The following RORA variants were observed in gnomAD, a reference collection of about 807,000 sequenced individuals.
RORA encodes the protein RAR related orphan receptor A, also known as nuclear receptor ROR-alpha.
Under a neutral mutation model 69.5 loss-of-function variants are expected in RORA, and 7 were observed. That is an observed-to-expected ratio of 0.10 (90% CI 0.06 to 0.19). The LOEUF (loss-of-function observed/expected upper bound fraction) is 0.19, where lower values mean the gene tolerates loss of function less well. RORA is among the 10% of genes least tolerant of loss of function. RORA has a pLI of 1.00. For synonymous variants in RORA, 261 were observed against 240.8 expected, an observed-to-expected ratio of 1.08 and a Z score of -0.78; for missense variants, 457 against 663.0, an observed-to-expected ratio of 0.69 and a Z score of 3.41.
At chr15:60,664,943 T>G (rs1352725552) in intron 2 of RORA, among the ~76,000 whole-genome samples, 3 of 152,158 alleles carry the variant, frequency 2.0e-5, no homozygotes, top group Non-Finnish European at 4.4e-5. Flanking sequence ...AAGGACATTT[T>G]TAAAAGAATT....
chr15:60,655,595 G>C (rs1039566358), intron 2 of RORA, among the ~76,000 whole-genome samples: 7 of 152,216 alleles, frequency 4.6e-5, no homozygotes, highest in Admixed American at 1.3e-4. Context: ...ATGCTAGAAT[G>C]AATGTCATTC....
intron 1 of RORA, among the ~76,000 whole-genome samples, chr15:61,223,826 C>A (rs1392251110): frequency 3.3e-5 from 5 of 152,066 alleles, no homozygotes; most frequent in Admixed American, 3.3e-4. Context: ...TGTCCTGGCA[C>A]CCTTAGAGAA....
intron 2 of RORA, among the ~76,000 whole-genome samples, chr15:60,563,371 G>A (rs2067631996): frequency 6.6e-6 from 1 of 152,090 alleles, no homozygotes; most frequent in Non-Finnish European, 1.5e-5. Context: ...TTTTTCTAAT[G>A]GTGGAAAATA....
intron 1 of RORA, among the ~76,000 whole-genome samples, chr15:60,944,036 G>A (rs1347293586): frequency 6.6e-6 from 1 of 151,338 alleles, no homozygotes; most frequent in Non-Finnish European, 1.5e-5. Flanking sequence ...GAGGCCTTTT[G>A]CCATAGTCAG....
chr15:60,507,203 G>C (rs1356198492), intron 5 of RORA, among the ~76,000 whole-genome samples: 1 of 152,088 alleles, frequency 6.6e-6, no homozygotes, highest in Non-Finnish European at 1.5e-5. Context: ...AAAATCCCAT[G>C]AATATAAAAC....
chr15:61,091,741 G>C (rs577964533), intron 1 of RORA, among the ~76,000 whole-genome samples: 39 of 152,320 alleles, frequency 2.6e-4, no homozygotes, highest in African/African-American at 9.1e-4. Flanking sequence ...TGAGTGCCTA[G>C]TAGTGCGTTG....
At chr15:61,188,417 T>G (rs1170973725) in intron 1 of RORA, among the ~76,000 whole-genome samples, 1 of 152,122 alleles carries the variant, frequency 6.6e-6, no homozygotes, top group Non-Finnish European at 1.5e-5. Flanking sequence ...TGACCCTTAT[T>G]CTGGGGCAGC....
intron 2 of RORA, among the ~76,000 whole-genome samples, chr15:60,630,823 C>T (rs186894698): frequency 2.0e-5 from 3 of 151,298 alleles, no homozygotes; most frequent in Non-Finnish European, 4.4e-5. Flanking sequence ...AACTGATGGG[C>T]AGAGGACAAC....
chr15:60,779,849 A>C (rs2072228679), intron 1 of RORA, among the ~76,000 whole-genome samples: 1 of 152,206 alleles, frequency 6.6e-6, no homozygotes. Context: ...CCTGGGAGGA[A>C]TGATCTTTGT....
intron 1 of RORA, among the ~76,000 whole-genome samples, chr15:61,124,145 C>T (rs951885757): frequency 6.6e-6 from 1 of 152,210 alleles, no homozygotes; most frequent in Non-Finnish European, 1.5e-5. Context: ...AGCCTCCTAC[C>T]TCTTAGCCCA....
chr15:60,851,354 A>C (rs2073322483), intron 1 of RORA, among the ~76,000 whole-genome samples: 1 of 152,132 alleles, frequency 6.6e-6, no homozygotes, highest in Non-Finnish European at 1.5e-5. Context: ...TCTGTGCAAG[A>C]AGGCAAAACT....
chr15:60,677,094 C>T (rs2070565301), intron 2 of RORA: 1 of 445,852 alleles, frequency 2.2e-6, no homozygotes, highest in Admixed American at 2.4e-5. Context: ...GCACAATCAT[C>T]AGCCCCTGTT....
At chr15:60,553,902 T>C (rs1436930974) in intron 2 of RORA, among the ~76,000 whole-genome samples, 2 of 152,222 alleles carry the variant, frequency 1.3e-5, no homozygotes, top group Non-Finnish European at 1.5e-5. Flanking sequence ...TATTGCCCTT[T>C]GTTAAAATGG....
intron 5 of RORA, among the ~76,000 whole-genome samples, chr15:60,508,824 A>G (rs1267423075): frequency 6.6e-6 from 1 of 152,220 alleles, no homozygotes; most frequent in Admixed American, 6.5e-5. Flanking sequence ...AGCTTTAGAT[A>G]TCAATTATAG....
At chr15:61,177,629 T>C (rs2079641700) in intron 1 of RORA, among the ~76,000 whole-genome samples, 1 of 151,576 alleles carries the variant, frequency 6.6e-6, no homozygotes, top group Non-Finnish European at 1.5e-5. Context: ...AATTATATAA[T>C]AAGAATAAAA....
intron 1 of RORA, among the ~76,000 whole-genome samples, chr15:61,034,382 T>C (rs528582816): frequency 7.9e-5 from 12 of 152,320 alleles, no homozygotes; most frequent in African/African-American, 4.8e-5. Flanking sequence ...AGTCAGTCTA[T>C]ATAGAGGCTA....
chr15:60,861,172 T>C (rs2073432708), intron 1 of RORA, among the ~76,000 whole-genome samples: 1 of 152,190 alleles, frequency 6.6e-6, no homozygotes, highest in South Asian at 2.1e-4. Context: ...TGACAATGCA[T>C]GAGGAAATCA....
At chr15:61,022,425 T>C (rs1360550487) in intron 1 of RORA, among the ~76,000 whole-genome samples, 1 of 152,198 alleles carries the variant, frequency 6.6e-6, no homozygotes, top group Non-Finnish European at 1.5e-5. Flanking sequence ...ATTGTGTGTG[T>C]GGCTGCTGGG....
intron 1 of RORA, among the ~76,000 whole-genome samples, chr15:61,224,889 T>A (rs2080131755): frequency 6.6e-6 from 1 of 152,144 alleles, no homozygotes; most frequent in South Asian, 2.1e-4. Flanking sequence ...GTCTCATCGT[T>A]AGGGGCTTCA....
Sources: allele counts gnomAD v4.1 joint callset (sites outside exome capture counted in the v4.1 genomes callset), GRCh38; gene constraint gnomAD v4.1.1; transcripts MANE v1.5; gene names NCBI Gene and HGNC (gene_info 2026-07-23, HGNC 2026-07-21).